WASHC2C: variants seen among roughly 807,000 people sequenced by gnomAD.
WASHC2C encodes WASH complex subunit 2C.
WASHC2C carries 73 observed loss-of-function variants against 142.2 expected under a neutral mutation model. That is an observed-to-expected ratio of 0.51 (90% confidence interval 0.43 to 0.62). The LOEUF is 0.62. WASHC2C is among the 20% of genes least tolerant of loss of function. The probability of loss-of-function intolerance (pLI) is 0.00; values close to 1 mark genes in which losing one functional copy is unlikely to be tolerated. For missense variants in WASHC2C, 969 were observed against 1,531.7 expected, an observed-to-expected ratio of 0.63 and a Z score of 6.13; for synonymous variants, 337 against 565.5, an observed-to-expected ratio of 0.60 and a Z score of 5.73.
At chr10:45,785,482 C>T (rs1554889634) in intron 25 of WASHC2C, 27 bp from the exon 26 acceptor site, 4 of 1,611,964 alleles carry the variant, frequency 2.5e-6, no homozygotes, top group African/African-American at 1.3e-5. Flanking sequence ...TATTTGATGC[C>T]TTTTTGGTAT....
intron 8 of WASHC2C, among the ~76,000 whole-genome samples, chr10:45,747,866 T>C (rs1257567855): frequency 6.7e-6 from 1 of 150,266 alleles, no homozygotes; most frequent in Non-Finnish European, 1.5e-5. Context: ...ATTACAGGTA[T>C]GAGCCACCAC....
At chr10:45,736,471 ACGCC>A (rs2051292094) in intron 3 of WASHC2C, among the ~76,000 whole-genome samples, 1 of 145,482 alleles carries the variant, frequency 6.9e-6, no homozygotes, top group Non-Finnish European at 1.5e-5. Context: ...GTGGTGGTGC[ACGCC>A]TGTAATCCCA....
intron 2 of WASHC2C, among the ~76,000 whole-genome samples, chr10:45,727,976 A>G (rs905884798): frequency 6.6e-6 from 1 of 152,204 alleles, no homozygotes; most frequent in Non-Finnish European, 1.5e-5. Context: ...TTTGAATAAG[A>G]GTGGTGGTTG....
intron 5 of WASHC2C, among the ~76,000 whole-genome samples, chr10:45,742,271 G>C (rs2052176472): frequency 1.3e-5 from 2 of 152,172 alleles, no homozygotes; most frequent in African/African-American, 2.4e-5. Context: ...GAACCACTAG[G>C]GGGTATTGTT....
chr10:45,757,639 T>C, intron 16 of WASHC2C, among the ~76,000 whole-genome samples: 1 of 152,138 alleles, frequency 6.6e-6, no homozygotes, highest in South Asian at 2.1e-4. Flanking sequence ...TTTAAAATTA[T>C]CTCGCATATA....
intron 2 of WASHC2C, among the ~76,000 whole-genome samples, chr10:45,728,110 T>C (rs2050113042): frequency 6.6e-6 from 1 of 152,130 alleles, no homozygotes; most frequent in African/African-American, 2.4e-5. Context: ...GCTCACTGAA[T>C]CCTCTGGGGT....
chr10:45,741,201 GC>G (rs1564711664), intron 5 of WASHC2C, among the ~76,000 whole-genome samples: 2 of 152,108 alleles, frequency 1.3e-5, no homozygotes, highest in Non-Finnish European at 2.9e-5. Flanking sequence ...GCCTGCCTTG[GC>G]CTCCCAAAGT....
intron 3 of WASHC2C, among the ~76,000 whole-genome samples, chr10:45,736,276 G>A (rs2051230047): frequency 6.6e-6 from 1 of 151,408 alleles, no homozygotes; most frequent in Non-Finnish European, 1.5e-5. Context: ...CATGGTGGCA[G>A]GCACCTGTAG....
chr10:45,740,588 G>A (rs1314510409), intron 5 of WASHC2C, among the ~76,000 whole-genome samples: 1 of 152,210 alleles, frequency 6.6e-6, no homozygotes, highest in African/African-American at 2.4e-5. Flanking sequence ...TTGGGGCAAA[G>A]ATGATATTTG....
chr10:45,788,399 T>C (rs1249549745), intron 28 of WASHC2C, among the ~76,000 whole-genome samples: 2 of 152,262 alleles, frequency 1.3e-5, no homozygotes, highest in Admixed American at 1.3e-4. Flanking sequence ...CTCTTTATTG[T>C]GTCATGTTTC....
At chr10:45,771,621 A>G (rs527715450) in intron 20 of WASHC2C, 4 of 956,756 alleles carry the variant, frequency 4.2e-6, no homozygotes, top group Admixed American at 6.2e-5. Flanking sequence ...CCTGGCTTTC[A>G]GGAATGCTTT....
At chr10:45,732,781 T>TTA (rs2050753378) in intron 3 of WASHC2C, among the ~76,000 whole-genome samples, 1 of 152,246 alleles carries the variant, frequency 6.6e-6, no homozygotes, top group Non-Finnish European at 1.5e-5. Context: ...TCCTGTTGAT[T>TTA]TATAAAAGCT....
chr10:45,762,540 G>T (rs569514366), intron 17 of WASHC2C, among the ~76,000 whole-genome samples: 9 of 152,164 alleles, frequency 5.9e-5, no homozygotes, highest in Non-Finnish European at 1.2e-4. Context: ...GGTTTGCAAC[G>T]TCATATACCT....
At chr10:45,728,471 G>A (rs1482692956) in intron 2 of WASHC2C, among the ~76,000 whole-genome samples, 1 of 152,100 alleles carries the variant, frequency 6.6e-6, no homozygotes, top group African/African-American at 2.4e-5. Context: ...GGGCACAGTG[G>A]CTCACACCTG....
At chr10:45,754,873 T>C in intron 14 of WASHC2C, 63 bp from the exon 15 acceptor site, 1 of 1,585,936 alleles carries the variant, frequency 6.3e-7, no homozygotes, top group Non-Finnish European at 8.6e-7. Context: ...ATAATTTTTT[T>C]CTGTAAATTC....
chr10:45,730,768 T>C lies in WASHC2C; in HGVS notation c.291+1742T>C, dbSNP rs782318308. 4.1e-3 allele frequency among the ~76,000 whole-genome samples: 620 copies of C among 151,950 alleles called. 5 individuals carry two copies. The highest frequency in any genetic ancestry group is 0.031 in the Middle Eastern group (9 of 294). On this transcript the variant is annotated intron_variant, in intron 3 of 30. Transcript: ENST00000623400. ...CCAAGTAGCTGGGACTACAGGCGCG[T>C]GCCACCACGCCTGGCTAATTTTTTG...
chr10:45,751,113 A>G (rs1319369033), intron 10 of WASHC2C, among the ~76,000 whole-genome samples: 3 of 152,052 alleles, frequency 2.0e-5, no homozygotes, highest in Non-Finnish European at 4.4e-5. Flanking sequence ...ACTCCAGAGA[A>G]CCATGGGCAA....
At chr10:45,768,176 G>A (rs1227159446) in intron 19 of WASHC2C, among the ~76,000 whole-genome samples, 82 of 151,004 alleles carry the variant, frequency 5.4e-4, no homozygotes, top group Non-Finnish European at 9.4e-4. Context: ...GCAGTGAGCC[G>A]AGACCGCGCC....
At chr10:45,761,930 GA>G (rs1362097558) in intron 17 of WASHC2C, among the ~76,000 whole-genome samples, 6 of 151,720 alleles carry the variant, frequency 4.0e-5, no homozygotes, top group Non-Finnish European at 7.4e-5. Context: ...GAGCACAGGG[GA>G]AAAACACTGT....
Sources: allele counts gnomAD v4.1 joint callset (sites outside exome capture counted in the v4.1 genomes callset), GRCh38; gene constraint gnomAD v4.1.1; transcripts MANE v1.5; gene names NCBI Gene and HGNC (gene_info 2026-07-23, HGNC 2026-07-21).